Variants in SUFU observed in about 807,000 individuals in gnomAD.
SUFU encodes suppressor of fused homolog.
In SUFU, 7 loss-of-function variants were observed where a neutral mutation model predicts 58.9. The observed-to-expected ratio is 0.12, with a 90% CI of 0.07 to 0.22. The LOEUF is 0.22. Ranked by LOEUF, SUFU falls within the 10% of genes least tolerant of loss-of-function variation. The probability of loss-of-function intolerance (pLI) is 1.00; values close to 1 mark genes in which losing one functional copy is unlikely to be tolerated. For missense variants in SUFU, 451 were observed against 641.3 expected (o/e 0.70, Z 3.20); for synonymous variants, 232 against 254.8 (o/e 0.91, Z 0.85).
At chr10:102,543,817 A>G (rs188871249) in intron 2 of SUFU, among the ~76,000 whole-genome samples, 43 of 152,338 alleles carry the variant, frequency 2.8e-4, no homozygotes, top group Admixed American at 1.2e-3. Flanking sequence ...CAAATGTTTA[A>G]TCCCCAATAA....
intron 3 of SUFU, among the ~76,000 whole-genome samples, chr10:102,569,242 A>C (rs1848219609): frequency 6.6e-6 from 1 of 152,034 alleles, no homozygotes; most frequent in Non-Finnish European, 1.5e-5. Flanking sequence ...TGATTCCACT[A>C]GGCAGGGTGG....
intron 3 of SUFU, among the ~76,000 whole-genome samples, chr10:102,577,611 T>C (rs1410109883): frequency 6.6e-6 from 1 of 152,108 alleles, no homozygotes. Context: ...AGTGCTAGGA[T>C]TACAGGCGTG....
intron 2 of SUFU, among the ~76,000 whole-genome samples, chr10:102,523,928 C>T (rs2062578721): frequency 6.6e-6 from 1 of 152,184 alleles, no homozygotes; most frequent in Non-Finnish European, 1.5e-5. Flanking sequence ...TCCTATTCTG[C>T]CCCCCTTGCT....
In SUFU at chr10:102,617,124, G is replaced by A. The variant is rs1024934130; in HGVS notation, c.1158-166G>A. ...TCTCTTTGAAGGTGTTGAAATGAGC[G>A]TGTTTGGATACAGTCCCCTGTTGAT... On this transcript the variant is annotated intron_variant, in intron 9 of 11. Transcript: ENST00000369902. The surrounding 1 kb of genome is among the most constrained non-coding windows in gnomAD (Gnocchi z 4.4). Among the ~76,000 whole-genome samples the A allele has an allele frequency of 5.3e-5, 8 of 152,200 alleles. No individual in the cohort carries two copies. Among genetic ancestry groups the A allele is most frequent in the East Asian group, 1.9e-4 (1 of 5,188 alleles).
intron 11 of SUFU, 47 bp downstream of exon 11, chr10:102,627,290 CAT>C: frequency 6.5e-7 from 1 of 1,548,296 alleles, no homozygotes; most frequent in Non-Finnish European, 8.9e-7. Context: ...TCTCTGGGAC[CAT>C]GTGTGTGCGT....
chr10:102,593,204 G>C (rs2063422194), intron 4 of SUFU, among the ~76,000 whole-genome samples: 1 of 152,182 alleles, frequency 6.6e-6, no homozygotes, highest in South Asian at 2.1e-4. Context: ...TCTGCAGGCT[G>C]CTATGACCTA....
chr10:102,565,916 C>T (rs150686879), intron 3 of SUFU, among the ~76,000 whole-genome samples: 219 of 152,274 alleles, frequency 1.4e-3, no homozygotes, highest in Non-Finnish European at 2.7e-3. Context: ...CATCTCTGGA[C>T]CCCTGTGGAG....
At chr10:102,540,429 T>G (rs996169410) in intron 2 of SUFU, among the ~76,000 whole-genome samples, 1 of 152,128 alleles carries the variant, frequency 6.6e-6, no homozygotes, top group Non-Finnish European at 1.5e-5. Context: ...AGTGGGTGGA[T>G]CACTTGAGGT....
intron 3 of SUFU, among the ~76,000 whole-genome samples, chr10:102,591,342 T>C (rs572615932): frequency 6.6e-6 from 1 of 151,970 alleles, no homozygotes; most frequent in African/African-American, 2.4e-5. Flanking sequence ...CTACTAAAAA[T>C]ACAAAAAATT....
intron 3 of SUFU, among the ~76,000 whole-genome samples, chr10:102,564,203 G>A (rs543457792): frequency 2.9e-4 from 44 of 152,342 alleles, no homozygotes; most frequent in African/African-American, 1.0e-3. Context: ...TAGGCTGCAG[G>A]CAGCTTCTCA....
At chr10:102,503,827 A>G (rs1056731127), upstream of SUFU, among the ~76,000 whole-genome samples, 3 of 152,134 alleles carry the variant, frequency 2.0e-5, no homozygotes, top group Non-Finnish European at 4.4e-5. Flanking sequence ...GACACTCCCA[A>G]CACAGGGAGG....
chr10:102,587,585 G>A (rs998659602), intron 3 of SUFU, among the ~76,000 whole-genome samples: 4 of 152,052 alleles, frequency 2.6e-5, no homozygotes, highest in Admixed American at 6.6e-5. Context: ...TCCTCCTCCC[G>A]GGTTCAAGCA....
chr10:102,526,631 G>T (rs2062611413), intron 2 of SUFU, among the ~76,000 whole-genome samples: 1 of 152,158 alleles, frequency 6.6e-6, no homozygotes, highest in African/African-American at 2.4e-5. Flanking sequence ...GAGGTGGGTG[G>T]GGAGGATGCT....
At chr10:102,536,804 T>C (rs903912272) in intron 2 of SUFU, among the ~76,000 whole-genome samples, 9 of 152,150 alleles carry the variant, frequency 5.9e-5, no homozygotes, top group Non-Finnish European at 1.2e-4. Context: ...ATAACTTATC[T>C]TTTTCTTAAA....
intron 1 of SUFU, 133 bp downstream of exon 1, chr10:102,504,467 T>A: frequency 6.6e-7 from 1 of 1,506,360 alleles, no homozygotes; most frequent in Non-Finnish European, 8.9e-7. Flanking sequence ...GGCTTCTTGC[T>A]GCGAGGGAAG....
chr10:102,525,594 C>T (rs2062600405), intron 2 of SUFU, among the ~76,000 whole-genome samples: 1 of 152,084 alleles, frequency 6.6e-6, no homozygotes, highest in South Asian at 2.1e-4. Flanking sequence ...CCTCTGCCTC[C>T]TAGGTTCCAG....
At chr10:102,581,384 T>G (rs887269641) in intron 3 of SUFU, among the ~76,000 whole-genome samples, 3 of 152,096 alleles carry the variant, frequency 2.0e-5, no homozygotes, top group Admixed American at 2.0e-4. Context: ...AGAGATGTTT[T>G]GTTCAACAAA....
intron 2 of SUFU, among the ~76,000 whole-genome samples, chr10:102,519,592 G>A (rs570560499): frequency 4.1e-4 from 62 of 150,056 alleles, no homozygotes; most frequent in Non-Finnish European, 7.7e-4. Context: ...TGCCAGGAAA[G>A]TCTGCAACTT....
At chr10:102,533,651 C>T (rs1241540676) in intron 2 of SUFU, among the ~76,000 whole-genome samples, 3 of 152,144 alleles carry the variant, frequency 2.0e-5, no homozygotes, top group South Asian at 2.1e-4. Context: ...CATTCCTTAG[C>T]TCACGGCCAC....
Sources: allele counts gnomAD v4.1 joint callset (sites outside exome capture counted in the v4.1 genomes callset), GRCh38; gene constraint gnomAD v4.1.1; non-coding constraint Gnocchi (gnomAD v3.1); transcripts MANE v1.5; gene names NCBI Gene and HGNC (gene_info 2026-07-23, HGNC 2026-07-21).